Variants in UNC13B observed in about 807,000 individuals in gnomAD.
UNC13B encodes the protein protein unc-13 homolog B.
UNC13B carries 144 observed loss-of-function variants against 211.0 expected under a neutral mutation model. That is an observed-to-expected ratio of 0.68 (90% CI 0.60 to 0.78). The LOEUF (loss-of-function observed/expected upper bound fraction) is 0.78. Ranked by LOEUF, UNC13B falls within the 30% of genes least tolerant of loss-of-function variation. The probability of loss-of-function intolerance (pLI) is 0.00; values close to 1 mark genes in which losing one functional copy is unlikely to be tolerated. For missense variants in UNC13B, 1,777 were observed against 2,002.0 expected (o/e 0.89, Z 2.14); for synonymous variants, 709 against 725.8 (o/e 0.98, Z 0.37).
At chr9:35,395,058 CTT>C (rs1835783435) in intron 26 of UNC13B, among the ~76,000 whole-genome samples, 1 of 152,022 alleles carries the variant, frequency 6.6e-6, no homozygotes, top group Non-Finnish European at 1.5e-5. Flanking sequence ...TTTCTAGGTT[CTT>C]AGACTGGTTC....
In UNC13B at chr9:35,354,054, C is replaced by G. The variant is rs569016560; in HGVS notation, c.9415-12893C>G. The stretch of plus-strand genomic sequence containing the variant: ...AGAGGGTTCTCAAGCAAGAGGAAGC[C>G]GTCCTTATCTTCCAGTCTCTTGTTG... On this transcript the variant is annotated intron_variant, in intron 11 of 39. Coordinates refer to ENST00000635942, the MANE Select transcript of UNC13B (RefSeq NM_001371189.2). Among the ~76,000 whole-genome samples the G allele has an allele frequency of 3.3e-5, 5 of 152,254 alleles. No homozygotes were observed. In the East Asian group the frequency reaches 7.7e-4, roughly 24 times the overall value.
intron 6 of UNC13B, among the ~76,000 whole-genome samples, chr9:35,249,422 C>T (rs1404760348): frequency 2.0e-5 from 3 of 152,098 alleles, no homozygotes; most frequent in Admixed American, 6.6e-5. Flanking sequence ...TTAGTTTGCT[C>T]GTTAGTTGAT....
rs1196405069 is a variant in UNC13B, at chr9:35,362,261, A to C, written c.9415-4686A>C. The stretch of plus-strand genomic sequence containing the variant: ...GATTGGATAGGGACAGAGTGCAGAG[A>C]GGGAGAGATCCATTGTCTGGCTGGG... On this transcript the variant is annotated intron_variant, in intron 11 of 39. Transcript: ENST00000635942. 3.9e-5 allele frequency among the ~76,000 whole-genome samples: 6 copies of C among 152,298 alleles called. No homozygotes were observed. In the East Asian group the frequency reaches 7.7e-4, roughly 20 times the overall value.
chr9:35,247,524 T>C (rs951598939), intron 6 of UNC13B, among the ~76,000 whole-genome samples: 2 of 152,172 alleles, frequency 1.3e-5, no homozygotes, highest in African/African-American at 2.4e-5. Flanking sequence ...TTGAGATACG[T>C]CCCATCAGTA....
At chr9:35,338,737 G>A (rs994387295) in intron 11 of UNC13B, among the ~76,000 whole-genome samples, 8 of 152,186 alleles carry the variant, frequency 5.3e-5, no homozygotes, top group Admixed American at 2.0e-4. Context: ...TGTACTCTGC[G>A]TCTGTGTTGA....
chr9:35,307,485 T>G lies in UNC13B; in HGVS notation c.8081T>G (p.Leu2694Arg). The change falls in exon 9 of 40, where the codon CTG becomes CGG. Residue 2694 changes from leucine to arginine, a missense_variant. Transcript: ENST00000635942. Reference protein sequence around the residue: ...TASTNQDLLELHPASSLETDT... With the variant: ...TASTNQDLLERHPASSLETDT... ...TCCACAAACCAAGACTTACTGGAGCTGCATCCAGCCAGTTCACTAGAAACT... is the reference window on the plus strand; with the variant it reads ...TCCACAAACCAAGACTTACTGGAGCGGCATCCAGCCAGTTCACTAGAAACT... 2.5e-6 allele frequency: 1 copy of G among 399,058 alleles called. No individual in the cohort carries two copies. The highest frequency in any genetic ancestry group is 4.4e-6 in the Non-Finnish European group (1 of 226,096). The allele number at this position is 399,058 out of a possible 1,614,324, so 24.7% of individuals were successfully genotyped here.
intron 11 of UNC13B, chr9:35,351,160 G>C: frequency 3.2e-6 from 1 of 310,118 alleles, no homozygotes; most frequent in Non-Finnish European, 4.7e-6. Context: ...TTAAGACTGG[G>C]GTTGGGAGGC....
chr9:35,368,185 A>T (rs1460232783), intron 12 of UNC13B, among the ~76,000 whole-genome samples: 1 of 152,066 alleles, frequency 6.6e-6, no homozygotes, highest in Admixed American at 6.6e-5. Context: ...AACAATAGTT[A>T]TTTTTTCTGC....
At chr9:35,261,709 C>T (rs1827284482) in intron 7 of UNC13B, among the ~76,000 whole-genome samples, 1 of 152,088 alleles carries the variant, frequency 6.6e-6, no homozygotes, top group Non-Finnish European at 1.5e-5. Flanking sequence ...AATACTAGAT[C>T]TTACTCATTC....
chr9:35,398,500 G>T (rs1836041699), intron 31 of UNC13B, 54 bp from the exon 32 acceptor site: 1 of 1,556,520 alleles, frequency 6.4e-7, no homozygotes, highest in South Asian at 1.1e-5. Flanking sequence ...GGTGTGGCAG[G>T]GTAGAAGAGG....
At chr9:35,388,941 C>G (rs1431493696) in intron 24 of UNC13B, among the ~76,000 whole-genome samples, 1 of 152,134 alleles carries the variant, frequency 6.6e-6, no homozygotes, top group African/African-American at 2.4e-5. Context: ...AGGACAGTGA[C>G]AGAAAAATAA....
chr9:35,166,762 A>C (rs1821057708), intron 1 of UNC13B, among the ~76,000 whole-genome samples: 1 of 152,248 alleles, frequency 6.6e-6, no homozygotes, highest in African/African-American at 2.4e-5. Flanking sequence ...TCTTGTCCCC[A>C]TTCGGTATTC....
At position 35,390,646 on chromosome 9, in the gene UNC13B, A is replaced by G; in HGVS notation, c.11240A>G (p.Asn3747Ser). The G allele has an allele frequency of 6.2e-7, 1 of 1,614,036 alleles. No individual in the cohort carries two copies. Among genetic ancestry groups the G allele is most frequent in the Middle Eastern group, 1.7e-4 (1 of 6,058 alleles). ...PVLNQFPQEL[N>S]VGKVSAEVMW... ...TCATCCAGGTTTCCTCAGGAGTTGAATGTGGGAAAAGTCAGCGCAGAAGTG... is the reference window on the plus strand; with the variant it reads ...TCATCCAGGTTTCCTCAGGAGTTGAGTGTGGGAAAAGTCAGCGCAGAAGTG... The change falls in exon 26 of 40, where the codon AAT becomes AGT. Residue 3747 changes from asparagine to serine, a missense_variant. By Grantham distance (46) the Asn-to-Ser change is conservative. Coordinates refer to ENST00000635942, the MANE Select transcript of UNC13B (RefSeq NM_001371189.2).
chr9:35,398,174 A>G, intron 30 of UNC13B, 37 bp from the exon 31 acceptor site: 1 of 1,599,082 alleles, frequency 6.3e-7, no homozygotes, highest in African/African-American at 1.3e-5. Flanking sequence ...CTATGCTGAA[A>G]GGAGCCAAGA....
chr9:35,279,150 T>C (rs1828344166), intron 7 of UNC13B, among the ~76,000 whole-genome samples: 1 of 152,198 alleles, frequency 6.6e-6, no homozygotes, highest in South Asian at 2.1e-4. Context: ...CCAAAACATT[T>C]TTATCCCCCT....
intron 1 of UNC13B, among the ~76,000 whole-genome samples, chr9:35,198,122 G>A (rs529108354): frequency 1.3e-5 from 2 of 152,232 alleles, no homozygotes; most frequent in South Asian, 2.1e-4. Flanking sequence ...CAAGCATATT[G>A]ATAGGATTTG....
At chr9:35,243,523 C>G (rs990546297) in intron 6 of UNC13B, among the ~76,000 whole-genome samples, 159 bp downstream of exon 6, 1 of 152,230 alleles carries the variant, frequency 6.6e-6, no homozygotes, top group South Asian at 2.1e-4. Flanking sequence ...CCTGAAATGT[C>G]ACTAGAAGGT....
In UNC13B at chr9:35,380,544, A is replaced by T; in HGVS notation, c.10280A>T (p.Lys3427Met). The change falls in exon 18 of 40, where the codon AAG becomes ATG. Residue 3427 changes from lysine (K) to methionine (M), a missense_variant. Lys to Met is a moderately conservative substitution (Grantham distance 95). Coordinates refer to ENST00000635942, the MANE Select transcript of UNC13B (RefSeq NM_001371189.2). ...DEDDDIKSRV[K>M]QRLKRESDDF... ...GATGATGACATCAAGTCAAGAGTAA[A>T]GCAACGCCTAAAGCGAGAGTCTGAT... The T allele has an allele frequency of 6.2e-7, 1 of 1,614,246 alleles. No individual in the cohort carries two copies. Among genetic ancestry groups the T allele is most frequent in the Non-Finnish European group, 8.5e-7 (1 of 1,180,042 alleles).
chr9:35,178,496 A>C (rs1019902139), intron 1 of UNC13B, among the ~76,000 whole-genome samples: 1 of 145,494 alleles, frequency 6.9e-6, no homozygotes. Flanking sequence ...ACCCTGTTTC[A>C]AAAAAAAAAA....
Sources: allele counts gnomAD v4.1 joint callset (sites outside exome capture counted in the v4.1 genomes callset), GRCh38; gene constraint gnomAD v4.1.1; transcripts MANE v1.5; gene names NCBI Gene and HGNC (gene_info 2026-07-23, HGNC 2026-07-21).